The following SEMA6D variants were observed in gnomAD, a reference collection of about 807,000 sequenced individuals.
SEMA6D encodes the protein semaphorin 6D.
Under a neutral mutation model 106.6 loss-of-function variants are expected in SEMA6D, and 35 were observed. The observed-to-expected ratio is 0.33, with a 90% CI of 0.25 to 0.44. The LOEUF (loss-of-function observed/expected upper bound fraction) is 0.44. SEMA6D is among the 20% of genes least tolerant of loss of function. The pLI, the probability that SEMA6D is intolerant of heterozygous loss-of-function variation, is 1.00. For missense variants in SEMA6D, 1,185 were observed against 1,345.9 expected (o/e 0.88, Z 1.87); for synonymous variants, 499 against 487.7 (o/e 1.02, Z -0.31).
At chr15:47,203,644 G>A (rs1447757168) in intron 1 of SEMA6D, among the ~76,000 whole-genome samples, 5 of 152,120 alleles carry the variant, frequency 3.3e-5, no homozygotes, top group Non-Finnish European at 7.4e-5. Flanking sequence ...ATGCTCATGT[G>A]TGTATGTAAA....
At chr15:47,416,054 A>G (rs958064748) in intron 2 of SEMA6D, among the ~76,000 whole-genome samples, 3 of 152,190 alleles carry the variant, frequency 2.0e-5, no homozygotes, top group East Asian at 1.9e-4. Context: ...ATTGCCTGAC[A>G]TATGAAATAC....
At chr15:47,678,092 T>G (rs1291479785) in intron 4 of SEMA6D, among the ~76,000 whole-genome samples, 1 of 152,282 alleles carries the variant, frequency 6.6e-6, no homozygotes, top group South Asian at 2.1e-4. Context: ...TTTTACTATT[T>G]TCTTTTTATT....
intron 4 of SEMA6D, among the ~76,000 whole-genome samples, chr15:47,682,117 A>G (rs759910523): frequency 1.3e-5 from 2 of 152,106 alleles, no homozygotes; most frequent in Non-Finnish European, 1.5e-5. Context: ...TCTTTTCTCA[A>G]CGAGTTACTA....
intron 1 of SEMA6D, among the ~76,000 whole-genome samples, chr15:47,244,912 A>G (rs985062672): frequency 2.6e-5 from 4 of 152,016 alleles, no homozygotes; most frequent in Admixed American, 2.0e-4. Context: ...TGAGTACCCA[A>G]TGTTTAGCTC....
intron 4 of SEMA6D, among the ~76,000 whole-genome samples, chr15:47,676,972 G>T (rs1486320024): frequency 6.6e-6 from 1 of 152,082 alleles, no homozygotes; most frequent in Non-Finnish European, 1.5e-5. Context: ...TTCCACCTCA[G>T]ATCATCAGGC....
intron 1 of SEMA6D, among the ~76,000 whole-genome samples, chr15:47,329,013 T>C (rs533740233): frequency 6.6e-6 from 1 of 152,332 alleles, no homozygotes; most frequent in Admixed American, 6.5e-5. Flanking sequence ...TACCTTGGTG[T>C]AGATTTTAAT....
chr15:47,709,279 C>T (rs2078971473), intron 4 of SEMA6D, among the ~76,000 whole-genome samples: 1 of 152,144 alleles, frequency 6.6e-6, no homozygotes, highest in Non-Finnish European at 1.5e-5. Flanking sequence ...CATCTGGCTC[C>T]TTAGGACCTA....
At chr15:47,299,930 A>T (rs2413869) in intron 1 of SEMA6D, among the ~76,000 whole-genome samples, 150,707 of 152,270 alleles carry the variant, frequency 0.99, 74,592 homozygotes, top group Middle Eastern at 1. Context: ...TCCATTAGTT[A>T]TCTTAAGAAA....
intron 1 of SEMA6D, among the ~76,000 whole-genome samples, chr15:47,195,304 C>T (rs1165019817): frequency 6.6e-6 from 1 of 152,112 alleles, no homozygotes; most frequent in Non-Finnish European, 1.5e-5. Flanking sequence ...TGCTTTCTCA[C>T]CTGTCTTACT....
intron 1 of SEMA6D, among the ~76,000 whole-genome samples, chr15:47,287,008 T>G (rs576987098): frequency 6.6e-6 from 1 of 152,288 alleles, no homozygotes; most frequent in South Asian, 2.1e-4. Context: ...TCCAAGCACA[T>G]GGAAGAATGT....
At chr15:47,263,415 G>A (rs2034168686) in intron 1 of SEMA6D, among the ~76,000 whole-genome samples, 1 of 151,946 alleles carries the variant, frequency 6.6e-6, no homozygotes, top group African/African-American at 2.4e-5. Context: ...TTTGAAAGAA[G>A]GTATACATGA....
At chr15:47,256,956 A>G (rs2033834336) in intron 1 of SEMA6D, among the ~76,000 whole-genome samples, 1 of 152,184 alleles carries the variant, frequency 6.6e-6, no homozygotes, top group African/African-American at 2.4e-5. Flanking sequence ...TCAGAACAAC[A>G]TAATTGTCTT....
intron 2 of SEMA6D, among the ~76,000 whole-genome samples, chr15:47,453,742 G>A (rs1030826825): frequency 9.9e-5 from 15 of 151,914 alleles, no homozygotes; most frequent in African/African-American, 3.4e-4. Flanking sequence ...AAAAGATGGC[G>A]TAGAAGAGAG....
intron 1 of SEMA6D, among the ~76,000 whole-genome samples, chr15:47,410,696 G>GC (rs1220275784): frequency 6.6e-6 from 1 of 152,090 alleles, no homozygotes; most frequent in African/African-American, 2.4e-5. Context: ...CTGGACCCCA[G>GC]CCCAGACCTA....
rs529264109 is a variant in SEMA6D at position 47,475,838 on chromosome 15, T to C, written c.-87+5293T>C. On this transcript the variant is annotated intron_variant, in intron 3 of 19. Coordinates refer to the SEMA6D transcript ENST00000558014. ...GGACTGGATTACCCTTGCTTCAATT[T>C]CCCCCCTTTCTAACAGTCTAATAAT... Among the ~76,000 whole-genome samples the C allele has an allele frequency of 2.0e-5, 3 of 152,308 alleles. No individual in the cohort carries two copies. The East Asian group carries it at 5.8e-4, about 29-fold the overall frequency.
At chr15:47,549,846 A>T (rs2045629703) in intron 3 of SEMA6D, among the ~76,000 whole-genome samples, 1 of 152,174 alleles carries the variant, frequency 6.6e-6, no homozygotes, top group Admixed American at 6.5e-5. Context: ...ATCTTTTTTC[A>T]CTACAGCCCT....
At chr15:47,292,115 T>C (rs917068782) in intron 1 of SEMA6D, among the ~76,000 whole-genome samples, 1 of 152,248 alleles carries the variant, frequency 6.6e-6, no homozygotes, top group African/African-American at 2.4e-5. Flanking sequence ...AATGTGTGAA[T>C]AGAATATGCA....
At chr15:47,317,649 A>G (rs923200284) in intron 1 of SEMA6D, among the ~76,000 whole-genome samples, 2 of 151,852 alleles carry the variant, frequency 1.3e-5, no homozygotes, top group Non-Finnish European at 2.9e-5. Context: ...TTAGTCCCCC[A>G]CTCCCAACTC....
chr15:47,225,344 C>T (rs763538466), intron 1 of SEMA6D, among the ~76,000 whole-genome samples: 2 of 151,840 alleles, frequency 1.3e-5, no homozygotes, highest in Non-Finnish European at 2.9e-5. Flanking sequence ...AGATTTTAGT[C>T]ATTCTAGTAA....
Sources: allele counts gnomAD v4.1 joint callset (sites outside exome capture counted in the v4.1 genomes callset), GRCh38; gene constraint gnomAD v4.1.1; transcripts MANE v1.5; gene names NCBI Gene and HGNC (gene_info 2026-07-23, HGNC 2026-07-21).